SAMD5: variants seen among roughly 807,000 people sequenced by gnomAD.
SAMD5 encodes sterile alpha motif domain containing 5, also known as sterile alpha motif domain-containing protein 5.
Under a neutral mutation model 11.3 loss-of-function variants are expected in SAMD5, and 13 were observed. The ratio of observed to expected loss-of-function variants is 1.15; its 90% confidence interval spans 0.75 to 1.83. The LOEUF is 1.83. SAMD5 is among the 40% of genes most tolerant of loss of function. The probability of loss-of-function intolerance (pLI) is 0.00; values close to 1 mark genes in which losing one functional copy is unlikely to be tolerated. For missense variants in SAMD5, 255 were observed against 239.1 expected (o/e 1.07, Z -0.44); for synonymous variants, 129 against 111.3 (o/e 1.16, Z -1.00).
chr6:147,843,346 A>G, the SAMD5 span, among the ~76,000 whole-genome samples: 10 of 152,248 alleles, frequency 6.6e-5, no homozygotes, highest in African/African-American at 2.4e-4. Flanking sequence ...ACTGAAGATG[A>G]CATAAATAAA....
chr6:147,592,292 A>C (rs1583098459), intron 1 of SAMD5, among the ~76,000 whole-genome samples: 1 of 151,750 alleles, frequency 6.6e-6, no homozygotes. Flanking sequence ...GAATTGTTCC[A>C]CTCCCCTAGT....
intron 1 of SAMD5, among the ~76,000 whole-genome samples, chr6:147,589,856 T>G (rs1562327958): frequency 1.3e-5 from 2 of 152,196 alleles, no homozygotes; most frequent in Non-Finnish European, 2.9e-5. Context: ...ATAATGTCAC[T>G]GGATACTTAC....
At chr6:147,601,954 A>G (rs1461803377) in intron 1 of SAMD5, among the ~76,000 whole-genome samples, 1 of 152,196 alleles carries the variant, frequency 6.6e-6, no homozygotes, top group African/African-American at 2.4e-5. Context: ...CGATTGTCCT[A>G]AAAGAAGGGG....
the SAMD5 span, among the ~76,000 whole-genome samples, chr6:147,748,646 GA>G: frequency 6.6e-6 from 1 of 151,918 alleles, no homozygotes; most frequent in African/African-American, 2.4e-5. Flanking sequence ...CACTTGGAGA[GA>G]AAAAAGGGAT....
At chr6:147,938,673 G>T in the SAMD5 span, among the ~76,000 whole-genome samples, 2 of 152,196 alleles carry the variant, frequency 1.3e-5, no homozygotes, top group South Asian at 4.1e-4. Flanking sequence ...TATTCCAACT[G>T]GTGAGTCAGA....
intron 1 of SAMD5, among the ~76,000 whole-genome samples, chr6:147,538,491 A>G (rs1036508434): frequency 3.3e-5 from 5 of 152,212 alleles, no homozygotes; most frequent in Non-Finnish European, 5.9e-5. Context: ...TATAATGTTA[A>G]CTTTTAGCAA....
chr6:147,633,667 A>G lies in SAMD5; in HGVS notation c.163-103650A>G, dbSNP rs189736199. On this transcript the variant is annotated intron_variant, in intron 1 of 1. Transcript: ENST00000566741. ...TATTGAACCCAATCTGGTAATTTGT[A>G]TATACTTTTAAAATTTCAGATAATG... 2.6e-5 allele frequency among the ~76,000 whole-genome samples: 4 copies of G among 151,298 alleles called. No homozygotes were observed. In the East Asian group the frequency reaches 7.8e-4, roughly 29 times the overall value.
chr6:147,542,286 A>G (rs1788617966), intron 1 of SAMD5, among the ~76,000 whole-genome samples: 1 of 152,168 alleles, frequency 6.6e-6, no homozygotes, highest in Non-Finnish European at 1.5e-5. Flanking sequence ...GGAGCCACTG[A>G]ACCAGGGGCA....
At chr6:147,862,603 G>A in the SAMD5 span, among the ~76,000 whole-genome samples, 1 of 152,200 alleles carries the variant, frequency 6.6e-6, no homozygotes, top group African/African-American at 2.4e-5. Flanking sequence ...GGGAAGAGCA[G>A]TTGCTTGTTA....
At chr6:147,690,954 T>G (rs1452820766) in intron 1 of SAMD5, among the ~76,000 whole-genome samples, 1 of 144,492 alleles carries the variant, frequency 6.9e-6, no homozygotes, top group Admixed American at 7.3e-5. Context: ...CTTTGTTTCC[T>G]TCCAGCTCTC....
chr6:147,740,161 AAAGT>A (rs1562364255), downstream of SAMD5, among the ~76,000 whole-genome samples: 2 of 152,164 alleles, frequency 1.3e-5, no homozygotes, highest in African/African-American at 2.4e-5. Context: ...TTATTACATT[AAAGT>A]ATTTACATTT....
the SAMD5 span, among the ~76,000 whole-genome samples, chr6:147,845,286 TA>T: frequency 1.3e-5 from 2 of 152,072 alleles, no homozygotes; most frequent in African/African-American, 4.8e-5. Context: ...ATGTAAAACA[TA>T]AAACTATAAA....
the SAMD5 span, among the ~76,000 whole-genome samples, chr6:147,779,944 AGTT>A: frequency 6.6e-6 from 1 of 152,302 alleles, no homozygotes; most frequent in African/African-American, 2.4e-5. Context: ...GATAGATATT[AGTT>A]GTTGTTGTTG....
At chr6:147,788,720 G>A in the SAMD5 span, among the ~76,000 whole-genome samples, 2 of 152,146 alleles carry the variant, frequency 1.3e-5, no homozygotes, top group Non-Finnish European at 2.9e-5. Context: ...GGCTAATGGA[G>A]GTGTGATGAT....
chr6:147,757,015 G>A, the SAMD5 span, among the ~76,000 whole-genome samples: 2 of 152,004 alleles, frequency 1.3e-5, no homozygotes, highest in African/African-American at 4.8e-5. Flanking sequence ...ACCCATTTTT[G>A]TTCCGACATA....
intron 1 of SAMD5, among the ~76,000 whole-genome samples, chr6:147,532,907 A>G (rs1788451528): frequency 2.6e-5 from 4 of 152,210 alleles, no homozygotes; most frequent in Admixed American, 2.6e-4. Flanking sequence ...TTAGCCCTGC[A>G]CTACCGAGAG....
chr6:147,606,739 C>G (rs1253980258), intron 1 of SAMD5, among the ~76,000 whole-genome samples: 2 of 151,678 alleles, frequency 1.3e-5, no homozygotes, highest in African/African-American at 4.8e-5. Context: ...TATATACTCT[C>G]AATTAATCCT....
At chr6:147,706,881 C>T (rs1028992853) in intron 1 of SAMD5, among the ~76,000 whole-genome samples, 1 of 152,314 alleles carries the variant, frequency 6.6e-6, no homozygotes, top group Middle Eastern at 3.4e-3. Flanking sequence ...CCCCATAAAT[C>T]GTCTGCATAA....
chr6:147,688,318 T>A (rs1791047298), intron 1 of SAMD5, among the ~76,000 whole-genome samples: 1 of 152,176 alleles, frequency 6.6e-6, no homozygotes, highest in African/African-American at 2.4e-5. Flanking sequence ...TGTCACCTAA[T>A]ATTCTTGGTA....
Sources: gnomAD v4.1 joint callset for allele counts (sites outside exome capture counted in the v4.1 genomes callset) on GRCh38, gnomAD v4.1.1 for gene constraint, MANE v1.5 for transcripts, NCBI Gene and HGNC (gene_info 2026-07-23, HGNC 2026-07-21) for gene names.